ACBD6: variants seen among roughly 807,000 people sequenced by gnomAD.
The protein encoded by ACBD6 is acyl-CoA binding domain containing 6.
ACBD6 carries 28 observed loss-of-function variants against 37.2 expected under a neutral mutation model. The ratio of observed to expected loss-of-function variants is 0.75; its 90% confidence interval spans 0.56 to 1.03. The LOEUF (loss-of-function observed/expected upper bound fraction) is 1.03. ACBD6 is among the 50% of genes least tolerant of loss of function. The pLI is 0.00. For synonymous variants in ACBD6, 113 were observed against 126.8 expected (o/e 0.89, Z 0.73); for missense variants, 340 against 337.4 (o/e 1.01, Z -0.06).
At chr1:180,486,854 T>C (rs1360282075) in intron 3 of ACBD6, among the ~76,000 whole-genome samples, 1 of 152,222 alleles carries the variant, frequency 6.6e-6, no homozygotes, top group East Asian at 1.9e-4. Context: ...ACAGATATCA[T>C]GTACCTCCTG....
At chr1:180,288,675 T>C (rs1214398639) in intron 7 of ACBD6, among the ~76,000 whole-genome samples, 158 bp from the exon 8 acceptor site, 1 of 152,200 alleles carries the variant, frequency 6.6e-6, no homozygotes, top group African/African-American at 2.4e-5. Context: ...ATGAGAACTG[T>C]GGTATTATGC....
rs888383804 is a variant in ACBD6, at chr1:180,396,679, G to A, written c.663+837C>T. ...AAAGATATGCAAATAGTCAACAAGCGTATGAAAAGGTACTCCATATCATTA... is the reference window on the plus strand; with the variant it reads ...AAAGATATGCAAATAGTCAACAAGCATATGAAAAGGTACTCCATATCATTA... On this transcript the variant is annotated intron_variant, in intron 6 of 7. Coordinates refer to ENST00000367595, the MANE Select transcript of ACBD6 (RefSeq NM_032360.4). Among the ~76,000 whole-genome samples the A allele has an allele frequency of 2.5e-4, 38 of 152,072 alleles. 1 individual carries two copies. The highest frequency in any genetic ancestry group is 8.5e-4 in the Admixed American group (13 of 15,272).
chr1:180,310,948 C>T (rs931857170), intron 7 of ACBD6, among the ~76,000 whole-genome samples: 9 of 152,224 alleles, frequency 5.9e-5, no homozygotes, highest in East Asian at 1.9e-4. Flanking sequence ...TGTTTCTGCA[C>T]GTCTTATGTA....
intron 6 of ACBD6, among the ~76,000 whole-genome samples, chr1:180,353,684 T>C (rs1652505137): frequency 6.7e-6 from 1 of 149,062 alleles, no homozygotes; most frequent in African/African-American, 2.5e-5. Context: ...AATTTATTTG[T>C]ATCCTGCTGA....
At chr1:180,471,246 C>T (rs376875212) in intron 3 of ACBD6, among the ~76,000 whole-genome samples, 2 of 151,864 alleles carry the variant, frequency 1.3e-5, no homozygotes, top group South Asian at 2.1e-4. Context: ...CAAAAAAATA[C>T]GAAAATTAGC....
At position 180,433,595 on chromosome 1, in the gene ACBD6, T is replaced by A. The variant is rs903513050; in HGVS notation, c.385-3333A>T. Among the ~76,000 whole-genome samples, 319 of 151,034 alleles carry A rather than the reference T, an allele frequency of 2.1e-3. 3 individuals are homozygous for A. The highest frequency in any genetic ancestry group is 9.7e-3 in the South Asian group (46 of 4,750). The stretch of plus-strand genomic sequence containing the variant: ...TATGCTGTGTGTGTGTGTGTGTGTG[T>A]GTGTGTGTGTGTGTGTGTGTGTGTA... On this transcript the variant is annotated intron_variant, in intron 3 of 7. Coordinates refer to ENST00000367595, the MANE Select transcript of ACBD6 (RefSeq NM_032360.4).
intron 3 of ACBD6, among the ~76,000 whole-genome samples, chr1:180,444,306 T>C (rs547513584): frequency 7.4e-5 from 11 of 148,732 alleles, no homozygotes; most frequent in Non-Finnish European, 3.0e-5. Flanking sequence ...AAAAAGAAAG[T>C]ACTTTTAATT....
intron 10 of ACBD6, chr1:180,274,562 G>A: frequency 1.3e-6 from 2 of 1,582,984 alleles, no homozygotes; most frequent in South Asian, 2.2e-5. Context: ...CGATGAAATG[G>A]ATCATCCTCC....
chr1:180,435,660 T>A, intron 3 of ACBD6: 1 of 961,590 alleles, frequency 1.0e-6, no homozygotes, highest in Non-Finnish European at 1.7e-6. Context: ...GGGACAGAGT[T>A]TGGCAGCTCC....
intron 7 of ACBD6, among the ~76,000 whole-genome samples, chr1:180,291,399 T>C (rs1359856288): frequency 2.6e-5 from 4 of 152,236 alleles, no homozygotes; most frequent in Non-Finnish European, 4.4e-5. Flanking sequence ...AAATATTTTT[T>C]AGCCATTCTA....
intron 6 of ACBD6, among the ~76,000 whole-genome samples, chr1:180,339,195 G>A (rs1331436510): frequency 6.6e-6 from 1 of 152,184 alleles, no homozygotes; most frequent in African/African-American, 2.4e-5. Context: ...ATACCCAAAG[G>A]AGTATAAATC....
At chr1:180,454,401 A>T (rs1339864534) in intron 3 of ACBD6, among the ~76,000 whole-genome samples, 4 of 152,238 alleles carry the variant, frequency 2.6e-5, no homozygotes, top group Non-Finnish European at 5.9e-5. Context: ...CTTAAATGTA[A>T]GACCTAAAAC....
intron 6 of ACBD6, among the ~76,000 whole-genome samples, chr1:180,330,176 C>G (rs1335565579): frequency 6.6e-6 from 1 of 151,964 alleles, no homozygotes; most frequent in East Asian, 1.9e-4. Context: ...CTTTGAGAGG[C>G]TGAGGTGGGA....
intron 7 of ACBD6, 110 bp from the exon 8 acceptor site, chr1:180,288,627 G>T: frequency 7.8e-7 from 1 of 1,279,444 alleles, no homozygotes; most frequent in Non-Finnish European, 1.1e-6. Context: ...TGAACAATGA[G>T]CAATGTTACA....
At position 180,448,640 on chromosome 1, in the gene ACBD6, G is replaced by A. The variant is rs1415856343; in HGVS notation, c.385-18378C>T. On this transcript the variant is annotated intron_variant, in intron 3 of 7. Coordinates refer to ENST00000367595, the MANE Select transcript of ACBD6 (RefSeq NM_032360.4). ...GAAGCTTAGAGCCCAGGCAGCTCTA[G>A]AGAACGTTACCATGAACCTCTTGTA... Among the ~76,000 whole-genome samples, 24 of 152,154 alleles carry A rather than the reference G, an allele frequency of 1.6e-4. 1 individual carries two copies. The highest frequency in any genetic ancestry group is 1.6e-3 in the Admixed American group (24 of 15,266).
At chr1:180,488,957 T>C (rs1446826989) in intron 3 of ACBD6, among the ~76,000 whole-genome samples, 2 of 152,192 alleles carry the variant, frequency 1.3e-5, no homozygotes, top group Non-Finnish European at 2.9e-5. Flanking sequence ...CAGATTATAG[T>C]AGTTTCTAAC....
chr1:180,335,967 C>A (rs1321287299), intron 6 of ACBD6, among the ~76,000 whole-genome samples: 1 of 151,294 alleles, frequency 6.6e-6, no homozygotes, highest in Non-Finnish European at 1.5e-5. Flanking sequence ...GCTAACTATC[C>A]TAAATATATA....
intron 7 of ACBD6, among the ~76,000 whole-genome samples, chr1:180,292,793 T>C (rs895800781): frequency 6.6e-6 from 1 of 152,222 alleles, no homozygotes; most frequent in Non-Finnish European, 1.5e-5. Flanking sequence ...GTGGATATCT[T>C]TGTCCACAGT....
intron 6 of ACBD6, among the ~76,000 whole-genome samples, chr1:180,332,266 G>A (rs1651515098): frequency 6.6e-6 from 1 of 152,130 alleles, no homozygotes; most frequent in Non-Finnish European, 1.5e-5. Flanking sequence ...TTCCTACCTA[G>A]ACAAAGGCAG....
Sources: gnomAD v4.1 joint callset for allele counts (sites outside exome capture counted in the v4.1 genomes callset) on GRCh38, gnomAD v4.1.1 for gene constraint, MANE v1.5 for transcripts, NCBI Gene and HGNC (gene_info 2026-07-23, HGNC 2026-07-21) for gene names.